Variants in ADK observed in about 807,000 individuals in gnomAD.
ADK encodes the protein adenosine kinase.
A neutral mutation model predicts 44.7 loss-of-function variants in ADK; 24 were observed. The ratio of observed to expected loss-of-function variants is 0.54; its 90% CI spans 0.39 to 0.76. ADK has a LOEUF of 0.76. Ranked by LOEUF, ADK falls within the 30% of genes least tolerant of loss-of-function variation. The pLI is 0.00. For synonymous variants in ADK, 128 were observed against 142.6 expected (o/e 0.90, Z 0.73); for missense variants, 321 against 425.1 (o/e 0.76, Z 2.15).
intron 6 of ADK, among the ~76,000 whole-genome samples, chr10:74,419,903 G>A (rs1173811937): frequency 2.0e-5 from 3 of 152,168 alleles, no homozygotes; most frequent in Non-Finnish European, 4.4e-5. Flanking sequence ...TCCATTAGAA[G>A]AGTTTTTAAA....
At chr10:74,681,485 C>T (rs1048933574) in intron 10 of ADK, among the ~76,000 whole-genome samples, 5 of 152,090 alleles carry the variant, frequency 3.3e-5, no homozygotes, top group East Asian at 1.9e-4. Flanking sequence ...ATTGCAAATA[C>T]GAGACAAGAA....
chr10:74,460,631 A>T (rs949632319), intron 6 of ADK, among the ~76,000 whole-genome samples: 2 of 152,158 alleles, frequency 1.3e-5, no homozygotes, highest in Non-Finnish European at 2.9e-5. Context: ...CTGGGGCCAG[A>T]TTATCCTATT....
At chr10:74,600,186 T>A (rs1046476308) in intron 8 of ADK, among the ~76,000 whole-genome samples, 193 bp from the exon 9 acceptor site, 2 of 151,954 alleles carry the variant, frequency 1.3e-5, no homozygotes, top group Non-Finnish European at 2.9e-5. Context: ...TTTGTGTAGA[T>A]CATTGATGGG....
chr10:74,371,202 T>C (rs1842646910), intron 4 of ADK, among the ~76,000 whole-genome samples: 1 of 152,160 alleles, frequency 6.6e-6, no homozygotes, highest in African/African-American at 2.4e-5. Flanking sequence ...GATGGGAAGA[T>C]TTAGGAGTAA....
chr10:74,436,548 A>T (rs905723313), intron 6 of ADK, among the ~76,000 whole-genome samples: 1 of 152,034 alleles, frequency 6.6e-6, no homozygotes, highest in East Asian at 1.9e-4. Context: ...TGTAACCCTT[A>T]GGGCAACTGA....
chr10:74,169,725 A>G (rs1842113211), intron 1 of ADK, among the ~76,000 whole-genome samples: 1 of 152,254 alleles, frequency 6.6e-6, no homozygotes, highest in Non-Finnish European at 1.5e-5. Flanking sequence ...GAGAGAATTA[A>G]TAGATTTAGC....
chr10:74,619,796 C>CT (rs1852916020), intron 9 of ADK, among the ~76,000 whole-genome samples: 1 of 152,196 alleles, frequency 6.6e-6, no homozygotes. Flanking sequence ...TCACAGCTCA[C>CT]TGCAACCCGT....
At chr10:74,248,785 G>A (rs1282962234) in intron 3 of ADK, among the ~76,000 whole-genome samples, 1 of 152,144 alleles carries the variant, frequency 6.6e-6, no homozygotes, top group Non-Finnish European at 1.5e-5. Flanking sequence ...AAGATTTTAT[G>A]GATCTGTGGT....
At chr10:74,545,008 C>G (rs1389925535) in intron 7 of ADK, among the ~76,000 whole-genome samples, 3 of 151,640 alleles carry the variant, frequency 2.0e-5, no homozygotes, top group African/African-American at 7.3e-5. Context: ...ATGTTGATCA[C>G]TTTACTAAAG....
intron 1 of ADK, among the ~76,000 whole-genome samples, chr10:74,182,339 C>T: frequency 9.5e-6 from 1 of 105,544 alleles, no homozygotes; most frequent in Non-Finnish European, 2.2e-5. Flanking sequence ...AGAAGTAAAA[C>T]AGAAATCTTT....
In ADK at chr10:74,170,770, A is replaced by G. The variant is rs1842140666; in HGVS notation, c.65+19427A>G. 3.3e-5 allele frequency among the ~76,000 whole-genome samples: 5 copies of G among 150,726 alleles called. No homozygotes were observed. In the South Asian group the frequency reaches 1.1e-3, roughly 32 times the overall value. ...AGCCGAGATCGCGCCACTGCACTCC[A>G]GCCTGGGCGACAGAGCAAGACTCCA... On this transcript the variant is annotated intron_variant, in intron 1 of 10. Transcript: ENST00000539909.
intron 3 of ADK, among the ~76,000 whole-genome samples, chr10:74,245,594 G>GTTTTTTTTT (rs11377208): frequency 7.1e-6 from 1 of 141,270 alleles, no homozygotes; most frequent in African/African-American, 2.6e-5. Context: ...TTTTGTTTTT[G>GTTTTTTTTT]TTTTTTTTTT....
chr10:74,624,582 T>C (rs1232052458), intron 9 of ADK, among the ~76,000 whole-genome samples: 1 of 152,110 alleles, frequency 6.6e-6, no homozygotes, highest in African/African-American at 2.4e-5. Flanking sequence ...AACAGGTGTT[T>C]TTGTAAGTAA....
At chr10:74,423,639 T>C in intron 6 of ADK, 1 of 386,872 alleles carries the variant, frequency 2.6e-6, no homozygotes, top group South Asian at 2.2e-5. Context: ...CTTCGTGGAA[T>C]TCTGGGGCTT....
At chr10:74,289,427 C>T (rs766714330) in intron 3 of ADK, among the ~76,000 whole-genome samples, 13 of 152,072 alleles carry the variant, frequency 8.5e-5, no homozygotes, top group Non-Finnish European at 1.5e-4. Context: ...AAACATTTCA[C>T]CTCTCAAAAC....
At chr10:74,353,200 CAG>C (rs1842023670) in intron 4 of ADK, among the ~76,000 whole-genome samples, 1 of 152,092 alleles carries the variant, frequency 6.6e-6, no homozygotes, top group Non-Finnish European at 1.5e-5. Flanking sequence ...AAATGTTGCA[CAG>C]AGACACCATG....
intron 6 of ADK, among the ~76,000 whole-genome samples, chr10:74,502,497 T>A (rs1847917035): frequency 6.6e-6 from 1 of 152,168 alleles, no homozygotes; most frequent in African/African-American, 2.4e-5. Context: ...GCTTATGAAC[T>A]GCAACCTTCT....
At position 74,467,905 on chromosome 10, in the gene ADK, C is replaced by T. The variant is rs139141425; in HGVS notation, c.556-57351C>T. Among the ~76,000 whole-genome samples, 824 of 152,174 alleles carry T rather than the reference C, an allele frequency of 5.4e-3. 7 individuals are homozygous for T. Among genetic ancestry groups the T allele is most frequent in the African/African-American group, 0.019 (771 of 41,546 alleles). Reference sequence around the variant, plus strand: ...TTTTTATGAAACTAGGTAGAGGTCACAAATCTCATTAGTCACTGACAGCCA... The same window carrying T: ...TTTTTATGAAACTAGGTAGAGGTCATAAATCTCATTAGTCACTGACAGCCA... On this transcript the variant is annotated intron_variant, in intron 6 of 10. Coordinates refer to ENST00000539909, the MANE Select transcript of ADK (RefSeq NM_006721.4).
intron 6 of ADK, among the ~76,000 whole-genome samples, chr10:74,479,395 GT>G (rs557302014): frequency 0.012 from 1,362 of 117,176 alleles, 12 homozygotes; most frequent in South Asian, 0.032. Context: ...TTTTTTGTTG[GT>G]TTTTTTTTTT....
Sources: allele counts gnomAD v4.1 joint callset (sites outside exome capture counted in the v4.1 genomes callset), GRCh38; gene constraint gnomAD v4.1.1; transcripts MANE v1.5; gene names NCBI Gene and HGNC (gene_info 2026-07-23, HGNC 2026-07-21).